DAAM1: variants seen among roughly 807,000 people sequenced by gnomAD.
DAAM1 encodes the protein dishevelled associated activator of morphogenesis 1.
In DAAM1, 52 loss-of-function variants were observed where a neutral mutation model predicts 130.0. The ratio of observed to expected loss-of-function variants is 0.40; its 90% CI spans 0.32 to 0.50. The LOEUF (loss-of-function observed/expected upper bound fraction) is 0.50, where lower values mean the gene tolerates loss of function less well. Ranked by LOEUF, DAAM1 falls within the 20% of genes least tolerant of loss-of-function variation. The pLI is 0.61. For synonymous variants in DAAM1, 452 were observed against 444.5 expected, an observed-to-expected ratio of 1.02 and a Z score of -0.21; for missense variants, 1,134 against 1,303.8, an observed-to-expected ratio of 0.87 and a Z score of 2.01.
Position 59,263,506 on chromosome 14 carries a change from G to A in DAAM1, c.29G>A (p.Gly10Asp). The A allele has an allele frequency of 5.6e-6, 9 of 1,614,216 alleles. No individual in the cohort carries two copies. The highest frequency in any genetic ancestry group is 7.6e-6 in the Non-Finnish European group (9 of 1,180,032). MAPRKRGGRGISFIFCCFRN... is the reference protein window; with the variant it reads MAPRKRGGRDISFIFCCFRN... The stretch of plus-strand genomic sequence containing the variant: ...GCCCCAAGAAAGAGAGGTGGACGAG[G>A]TATTTCATTCATCTTTTGCTGTTTC... Residue 10 changes from glycine (G) to aspartate (D), a missense_variant, in exon 2 of 25, where the codon GGT (glycine) becomes GAT (aspartate). Gly to Asp is a moderately conservative substitution (Grantham distance 94, BLOSUM62 -1). Coordinates refer to ENST00000360909, the MANE Select transcript of DAAM1 (RefSeq NM_001270520.2).
intron 2 of DAAM1, among the ~76,000 whole-genome samples, chr14:59,267,276 C>A (rs1253004): frequency 0.14 from 20,983 of 152,066 alleles, 1,625 homozygotes; most frequent in Middle Eastern, 0.2. Flanking sequence ...AAAAGTGATA[C>A]CAAGTAGATT....
intron 1 of DAAM1, among the ~76,000 whole-genome samples, chr14:59,216,833 G>T (rs796139039): frequency 6.6e-6 from 1 of 151,946 alleles, no homozygotes; most frequent in African/African-American, 2.4e-5. Context: ...GATTTCTGTA[G>T]TAATTAAGGT....
At chr14:59,245,196 G>T (rs531337026) in intron 1 of DAAM1, among the ~76,000 whole-genome samples, 1 of 152,206 alleles carries the variant, frequency 6.6e-6, no homozygotes, top group Admixed American at 6.5e-5. Flanking sequence ...TGTTATTTTG[G>T]GGTCTCTTTT....
At chr14:59,275,853 GAC>G (rs1374114312) in intron 2 of DAAM1, among the ~76,000 whole-genome samples, 1 of 152,176 alleles carries the variant, frequency 6.6e-6, no homozygotes, top group Admixed American at 6.5e-5. Flanking sequence ...ATGTCTATCA[GAC>G]ACAGAGAATA....
intron 1 of DAAM1, among the ~76,000 whole-genome samples, chr14:59,219,853 A>G (rs1888715103): frequency 6.6e-6 from 1 of 152,086 alleles, no homozygotes. Context: ...CTTTGCCTTG[A>G]GGACTTTGGT....
chr14:59,209,683 A>G (rs1888369793), intron 1 of DAAM1, among the ~76,000 whole-genome samples: 1 of 152,254 alleles, frequency 6.6e-6, no homozygotes, highest in Non-Finnish European at 1.5e-5. Context: ...AAGGTAGGCT[A>G]GGCTAAGCTA....
intron 8 of DAAM1, 142 bp from the exon 9 acceptor site, chr14:59,325,521 GA>G (rs1183346444): frequency 1.4e-6 from 1 of 693,980 alleles, no homozygotes; most frequent in East Asian, 2.7e-5. Context: ...GAACAAAGTT[GA>G]AGCTTTCAAA....
intron 1 of DAAM1, among the ~76,000 whole-genome samples, chr14:59,192,852 G>A (rs1887772321): frequency 6.6e-6 from 1 of 152,226 alleles, no homozygotes. Context: ...AGGACATCGA[G>A]ACCATCCTGG....
chr14:59,369,753 T>TTA lies in DAAM1; in HGVS notation c.*894_*895insTA, dbSNP rs1381913165. ...AATTCTCTGAAGGGATAAAGATTAC[T>TTA]AAAAAAAAAAAAAAAAAAAAAAAAT... On this transcript the variant is annotated 3_prime_UTR_variant, in exon 25 of 25. Coordinates refer to ENST00000360909, the MANE Select transcript of DAAM1 (RefSeq NM_001270520.2). 5.2e-5 allele frequency: 5 copies of TTA among 95,656 alleles called. No individual in the cohort carries two copies. The highest frequency in any genetic ancestry group is 1.7e-4 in the African/African-American group (4 of 23,868). 5.9% of individuals were successfully genotyped at this position (95,656 alleles called of 1,614,324 possible).
intron 3 of DAAM1, among the ~76,000 whole-genome samples, chr14:59,310,299 T>G (rs1279817700): frequency 6.6e-6 from 1 of 151,842 alleles, no homozygotes; most frequent in Admixed American, 6.6e-5. Context: ...TATTATTATT[T>G]TATTTTTATT....
chr14:59,194,005 T>C (rs1227072045), intron 1 of DAAM1, among the ~76,000 whole-genome samples: 3 of 152,248 alleles, frequency 2.0e-5, no homozygotes, highest in East Asian at 1.9e-4. Flanking sequence ...TAGATACTTT[T>C]ATTGCCATGT....
intron 1 of DAAM1, among the ~76,000 whole-genome samples, chr14:59,209,539 A>AC (rs746899706): frequency 7.6e-4 from 116 of 152,224 alleles, no homozygotes; most frequent in Non-Finnish European, 1.5e-3. Context: ...TACCCATACA[A>AC]CCATTCTATT....
At chr14:59,249,240 C>T (rs931035652) in intron 1 of DAAM1, among the ~76,000 whole-genome samples, 4 of 152,208 alleles carry the variant, frequency 2.6e-5, no homozygotes, top group South Asian at 2.1e-4. Context: ...GAACAAATTC[C>T]TGGCATCTTA....
rs61740455 is a variant in DAAM1 at position 59,359,464 on chromosome 14, A to C, written c.2593A>C (p.Asn865His). 2.5e-3 allele frequency: 4,066 copies of C among 1,613,868 alleles called. 72 individuals carry two copies. The African/African-American group carries it at 0.04, about 16-fold the overall frequency. The change falls in exon 21 of 25, where the codon AAT becomes CAT. Residue 865 changes from asparagine to histidine, a missense_variant. By Grantham distance (68) the Asn-to-His change is moderately conservative. Coordinates refer to ENST00000360909, the MANE Select transcript of DAAM1 (RefSeq NM_001270520.2). ...ENKYPSVLNLNEELRDIPQAA... is the reference protein window; with the variant it reads ...ENKYPSVLNLHEELRDIPQAA... Reference sequence around the variant, plus strand: ...TAAGTACCCCAGTGTTCTCAATCTAAATGAAGAATTGCGAGATATTCCTCA... The same window carrying C: ...TAAGTACCCCAGTGTTCTCAATCTACATGAAGAATTGCGAGATATTCCTCA...
At position 59,331,400 on chromosome 14, in the gene DAAM1, G is replaced by A; in HGVS notation, c.1752G>A (p.Gly584=). 2 of 1,613,678 alleles carry A rather than the reference G, an allele frequency of 1.2e-6. No individual in the cohort carries two copies. The highest frequency in any genetic ancestry group is 1.3e-5 in the African/African-American group (1 of 74,932). The change falls in exon 14 of 25, where the codon GGG becomes GGA. Residue 584 remains glycine, a synonymous_variant. Coordinates refer to ENST00000360909, the MANE Select transcript of DAAM1 (RefSeq NM_001270520.2). The part of the protein sequence containing the change: ...PPPPPGPPPL[G]AIMPPPGAPM... ...CTCCCCCAGGGCCTCCTCCCTTAGG[G>A]GCAATCATGCCACCTCCTGGTGCTC...
In DAAM1 at chr14:59,195,509, T is replaced by C. The variant is rs575348609; in HGVS notation, c.-38+6741T>C. On this transcript the variant is annotated intron_variant, in intron 1 of 24. Coordinates refer to ENST00000360909, the MANE Select transcript of DAAM1 (RefSeq NM_001270520.2). ...AATAACCTGGGTTTATTCTGTTCTA[T>C]AAATTACACCAGGATTGGGGTTTTA... Among the ~76,000 whole-genome samples, 6 of 152,306 alleles carry C rather than the reference T, an allele frequency of 3.9e-5. No individual in the cohort carries two copies. The South Asian group carries it at 1.2e-3, about 32-fold the overall frequency.
chr14:59,316,014 T>C (rs1884778935), intron 4 of DAAM1, among the ~76,000 whole-genome samples: 1 of 152,210 alleles, frequency 6.6e-6, no homozygotes, highest in Non-Finnish European at 1.5e-5. Context: ...TGCCAGCAGC[T>C]TGAGGGACAC....
chr14:59,252,215 A>G (rs1881678056), intron 1 of DAAM1, among the ~76,000 whole-genome samples: 2 of 152,196 alleles, frequency 1.3e-5, no homozygotes, highest in Non-Finnish European at 2.9e-5. Flanking sequence ...TTTGCAGTAG[A>G]TTTTCCATCT....
At chr14:59,286,386 G>C (rs1465821222) in intron 2 of DAAM1, among the ~76,000 whole-genome samples, 5 of 151,880 alleles carry the variant, frequency 3.3e-5, no homozygotes, top group Non-Finnish European at 7.4e-5. Flanking sequence ...ACAAGAGCAA[G>C]TCAACTCCAA....
Sources: allele counts gnomAD v4.1 joint callset (sites outside exome capture counted in the v4.1 genomes callset), GRCh38; gene constraint gnomAD v4.1.1; transcripts MANE v1.5; gene names NCBI Gene and HGNC (gene_info 2026-07-23, HGNC 2026-07-21).